Variants in ATRNL1 observed in about 807,000 individuals in gnomAD.
The protein encoded by ATRNL1 is attractin like 1.
Under a neutral mutation model 182.7 loss-of-function variants are expected in ATRNL1, and 95 were observed. The ratio of observed to expected loss-of-function variants is 0.52; its 90% CI spans 0.44 to 0.62. The LOEUF (loss-of-function observed/expected upper bound fraction) is 0.62. Among genes scored for constraint, ATRNL1 ranks in the 20% least tolerant of loss-of-function variants. The pLI is 0.00. For missense variants in ATRNL1, 1,471 were observed against 1,679.5 expected, an observed-to-expected ratio of 0.88 and a Z score of 2.17; for synonymous variants, 576 against 568.3, an observed-to-expected ratio of 1.01 and a Z score of -0.19.
chr10:115,666,543 A>G (rs1861008162), intron 26 of ATRNL1, among the ~76,000 whole-genome samples: 1 of 152,158 alleles, frequency 6.6e-6, no homozygotes, highest in Non-Finnish European at 1.5e-5. Flanking sequence ...GGCAAAACAC[A>G]TAAAGAAATT....
chr10:115,110,228 G>A (rs1054383101), intron 1 of ATRNL1, among the ~76,000 whole-genome samples: 5 of 152,086 alleles, frequency 3.3e-5, no homozygotes, highest in Admixed American at 3.3e-4. Flanking sequence ...TATGTCATTT[G>A]TCAAGAGGGA....
intron 28 of ATRNL1, chr10:115,909,683 TAGAG>T (rs556448171): frequency 2.2e-4 from 33 of 150,258 alleles, no homozygotes; most frequent in African/African-American, 7.4e-4. Flanking sequence ...CAGCCAGTGT[TAGAG>T]AGAGATTTTC....
intron 20 of ATRNL1, 33 bp downstream of exon 20, chr10:115,394,785 G>A (rs1554955167): frequency 6.8e-7 from 1 of 1,472,728 alleles, no homozygotes; most frequent in Non-Finnish European, 9.3e-7. Context: ...AACTTTCGTG[G>A]ATTGAATTTG....
intron 27 of ATRNL1, among the ~76,000 whole-genome samples, chr10:115,756,854 G>A (rs533840219): frequency 9.2e-5 from 14 of 152,136 alleles, no homozygotes; most frequent in African/African-American, 2.7e-4. Context: ...TCCTGTATTC[G>A]GTGCATATAT....
intron 17 of ATRNL1, among the ~76,000 whole-genome samples, chr10:115,308,010 T>C (rs192808479): frequency 1.3e-5 from 2 of 152,312 alleles, no homozygotes; most frequent in East Asian, 3.9e-4. Flanking sequence ...AACTTTGTAT[T>C]GGAAGTGGTC....
At chr10:115,473,863 A>G (rs1848414348) in intron 24 of ATRNL1, among the ~76,000 whole-genome samples, 1 of 151,302 alleles carries the variant, frequency 6.6e-6, no homozygotes, top group African/African-American at 2.4e-5. Flanking sequence ...TTGGCATACA[A>G]TTCCCCACAG....
intron 24 of ATRNL1, among the ~76,000 whole-genome samples, chr10:115,498,067 C>T (rs1311805347): frequency 6.6e-6 from 1 of 152,068 alleles, no homozygotes; most frequent in African/African-American, 2.4e-5. Context: ...AAATTGATAC[C>T]AAATCTGAAT....
intron 26 of ATRNL1, among the ~76,000 whole-genome samples, chr10:115,660,054 A>G (rs1020320539): frequency 3.3e-5 from 5 of 152,136 alleles, no homozygotes; most frequent in Non-Finnish European, 7.4e-5. Context: ...TGTTATTCTG[A>G]TTAGTTGTAG....
chr10:115,592,278 C>T (rs182241751), intron 26 of ATRNL1, among the ~76,000 whole-genome samples: 1 of 152,204 alleles, frequency 6.6e-6, no homozygotes, highest in Non-Finnish European at 1.5e-5. Context: ...GTGCAATATA[C>T]CCATATAACA....
chr10:115,152,895 A>G (rs1846310531), intron 5 of ATRNL1, among the ~76,000 whole-genome samples: 2 of 152,066 alleles, frequency 1.3e-5, no homozygotes, highest in African/African-American at 4.8e-5. Flanking sequence ...TCCCATCAAT[A>G]CCGAATTTAT....
At chr10:115,403,536 A>T (rs1592602840) in intron 20 of ATRNL1, among the ~76,000 whole-genome samples, 1 of 151,804 alleles carries the variant, frequency 6.6e-6, no homozygotes, top group African/African-American at 2.4e-5. Context: ...GCTCACTGCA[A>T]CCTCCACTCT....
intron 26 of ATRNL1, among the ~76,000 whole-genome samples, chr10:115,601,849 C>G (rs1336242226): frequency 6.6e-6 from 1 of 152,056 alleles, no homozygotes; most frequent in Non-Finnish European, 1.5e-5. Flanking sequence ...AGTGTTTAGA[C>G]TACATATTTT....
intron 28 of ATRNL1, among the ~76,000 whole-genome samples, chr10:115,887,196 G>A (rs1247610836): frequency 6.6e-6 from 1 of 152,162 alleles, no homozygotes; most frequent in African/African-American, 2.4e-5. Context: ...CTAAGAACTA[G>A]ACCTGGAGGT....
chr10:115,805,437 G>A (rs1444558596), intron 27 of ATRNL1, among the ~76,000 whole-genome samples: 5 of 152,096 alleles, frequency 3.3e-5, no homozygotes, highest in African/African-American at 7.2e-5. Context: ...TCATAAACCC[G>A]TAAAATAATG....
At chr10:115,200,536 G>A (rs1335617606) in intron 8 of ATRNL1, among the ~76,000 whole-genome samples, 3 of 148,874 alleles carry the variant, frequency 2.0e-5, no homozygotes, top group African/African-American at 5.0e-5. Context: ...TTTCATCCAT[G>A]TCCCTACAAA....
chr10:115,264,449 A>G (rs1228414937), intron 10 of ATRNL1, among the ~76,000 whole-genome samples: 1 of 151,644 alleles, frequency 6.6e-6, no homozygotes, highest in Non-Finnish European at 1.5e-5. Context: ...CTTTATAAAT[A>G]TGACATTTCT....
At chr10:115,313,121 A>G (rs1379325395) in intron 17 of ATRNL1, among the ~76,000 whole-genome samples, 2 of 151,878 alleles carry the variant, frequency 1.3e-5, no homozygotes, top group Non-Finnish European at 2.9e-5. Context: ...TGAATTCTTT[A>G]TCTGGCATTT....
At chr10:115,484,693 T>C (rs1038845898) in intron 24 of ATRNL1, among the ~76,000 whole-genome samples, 1 of 151,852 alleles carries the variant, frequency 6.6e-6, no homozygotes, top group Non-Finnish European at 1.5e-5. Context: ...GAATATATAA[T>C]ATGTGAATTG....
At chr10:115,515,656 T>C (rs7096605) in intron 24 of ATRNL1, among the ~76,000 whole-genome samples, 7,117 of 151,992 alleles carry the variant, frequency 0.047, 595 homozygotes, top group African/African-American at 0.16. Flanking sequence ...ATTTCTGCTC[T>C]GTTTTGTAAC....
Sources: gnomAD v4.1 joint callset for allele counts (sites outside exome capture counted in the v4.1 genomes callset) on GRCh38, gnomAD v4.1.1 for gene constraint, MANE v1.5 for transcripts, NCBI Gene and HGNC (gene_info 2026-07-23, HGNC 2026-07-21) for gene names.